Variants in AMOTL1 observed in about 807,000 individuals in gnomAD.
AMOTL1 encodes the protein angiomotin like 1.
Under a neutral mutation model 102.9 loss-of-function variants are expected in AMOTL1, and 45 were observed. The ratio of observed to expected loss-of-function variants is 0.44; its 90% CI spans 0.34 to 0.56. The LOEUF (loss-of-function observed/expected upper bound fraction) is 0.56, where lower values mean the gene tolerates loss of function less well. Among genes scored for constraint, AMOTL1 ranks in the 20% least tolerant of loss-of-function variants. AMOTL1 has a pLI of 0.01. For missense variants in AMOTL1, 1,114 were observed against 1,225.6 expected, an observed-to-expected ratio of 0.91 and a Z score of 1.36; for synonymous variants, 481 against 484.7, an observed-to-expected ratio of 0.99 and a Z score of 0.10.
chr11:94,740,563 G>A (rs558931043), intron 2 of AMOTL1, among the ~76,000 whole-genome samples: 1 of 151,660 alleles, frequency 6.6e-6, no homozygotes, highest in Non-Finnish European at 1.5e-5. Flanking sequence ...CGGCTCCTCG[G>A]CGCTGGGGCG....
At chr11:94,751,308 C>T (rs796628879) in intron 3 of AMOTL1, among the ~76,000 whole-genome samples, 37 of 152,170 alleles carry the variant, frequency 2.4e-4, no homozygotes, top group African/African-American at 8.7e-4. Context: ...ATAAAAACTC[C>T]TCTTTGCTTC....
intron 4 of AMOTL1, among the ~76,000 whole-genome samples, chr11:94,825,939 T>C (rs747217666): frequency 6.6e-6 from 1 of 152,244 alleles, no homozygotes; most frequent in Non-Finnish European, 1.5e-5. Flanking sequence ...CTAATGGGTA[T>C]ACTACACTTC....
chr11:94,790,278 C>T (rs1219418658), intron 1 of AMOTL1, among the ~76,000 whole-genome samples: 2 of 152,206 alleles, frequency 1.3e-5, no homozygotes, highest in Non-Finnish European at 2.9e-5. Context: ...CACTGCCTGT[C>T]TTCAAAGGGT....
Position 94,768,376 on chromosome 11 carries a change from A to G in AMOTL1, c.-136A>G. 2.0e-6 allele frequency: 3 copies of G among 1,487,206 alleles called. No individual in the cohort carries two copies. In the South Asian group the frequency reaches 3.9e-5, roughly 19 times the overall value. The allele number at this position is 1,487,206 out of a possible 1,614,324, so 92.1% of individuals were successfully genotyped here. A position where few individuals can be genotyped will look rare whatever the true frequency, so the allele number is the denominator to read the frequency against. On this transcript the variant is annotated 5_prime_UTR_variant, in exon 1 of 13. Coordinates refer to ENST00000433060, the MANE Select transcript of AMOTL1 (RefSeq NM_130847.3). ...GCGGGAGCGCGCGAGAAGCTCTAGG[A>G]CCCAGCAGCGGTTGTCGGGTTTGGG... is the stretch of plus-strand genomic sequence containing the variant.
At chr11:94,854,370 T>G (rs1422228667) in intron 8 of AMOTL1, among the ~76,000 whole-genome samples, 2 of 152,014 alleles carry the variant, frequency 1.3e-5, no homozygotes, top group African/African-American at 4.8e-5. Context: ...AGCTGGACAT[T>G]GACAGATGAG....
intron 4 of AMOTL1, among the ~76,000 whole-genome samples, chr11:94,827,026 G>T (rs1054835599): frequency 1.3e-5 from 2 of 152,132 alleles, no homozygotes; most frequent in East Asian, 1.9e-4. Context: ...TGAGTAAAAG[G>T]AAAGAATGCA....
chr11:94,826,518 C>T (rs1951966030), intron 4 of AMOTL1, among the ~76,000 whole-genome samples: 1 of 152,142 alleles, frequency 6.6e-6, no homozygotes. Context: ...GGCTTTTACG[C>T]TGTGTCACAA....
upstream of AMOTL1, among the ~76,000 whole-genome samples, chr11:94,765,521 A>G (rs1225496738): frequency 6.6e-6 from 1 of 152,186 alleles, no homozygotes; most frequent in African/African-American, 2.4e-5. Context: ...TAAGGAAATT[A>G]AGGCACAGGA....
intron 2 of AMOTL1, among the ~76,000 whole-genome samples, chr11:94,736,869 C>T (rs992457625): frequency 2.0e-5 from 3 of 152,220 alleles, no homozygotes; most frequent in Non-Finnish European, 2.9e-5. Context: ...TAGAAGGGCA[C>T]TGATCATCTC....
intron 3 of AMOTL1, among the ~76,000 whole-genome samples, chr11:94,759,891 C>T (rs180763106): frequency 6.6e-6 from 1 of 152,244 alleles, no homozygotes; most frequent in East Asian, 1.9e-4. Flanking sequence ...GAAATATAGG[C>T]CCTCAAATAT....
At chr11:94,838,344 A>G (rs1952225696) in intron 6 of AMOTL1, among the ~76,000 whole-genome samples, 2 of 152,232 alleles carry the variant, frequency 1.3e-5, no homozygotes, top group Admixed American at 1.3e-4. Flanking sequence ...TTATTCAAGC[A>G]AACAGTCATA....
At chr11:94,811,267 T>C (rs773883157) in intron 3 of AMOTL1, among the ~76,000 whole-genome samples, 5 of 151,954 alleles carry the variant, frequency 3.3e-5, no homozygotes, top group Non-Finnish European at 5.9e-5. Context: ...CTGCAGCAGG[T>C]GGAATGGCTG....
At chr11:94,734,454 A>G (rs1324656403) in intron 2 of AMOTL1, among the ~76,000 whole-genome samples, 1 of 152,270 alleles carries the variant, frequency 6.6e-6, no homozygotes, top group Non-Finnish European at 1.5e-5. Context: ...CCATTGGGCC[A>G]ATTCAGCCTG....
At chr11:94,733,975 T>C (rs914291611) in intron 2 of AMOTL1, among the ~76,000 whole-genome samples, 1 of 152,220 alleles carries the variant, frequency 6.6e-6, no homozygotes, top group African/African-American at 2.4e-5. Context: ...CTCTGGACTA[T>C]ACTTGGTAAC....
At chr11:94,771,967 A>G (rs1242613154) in intron 1 of AMOTL1, among the ~76,000 whole-genome samples, 4 of 152,354 alleles carry the variant, frequency 2.6e-5, no homozygotes, top group Non-Finnish European at 5.9e-5. Context: ...TCACTGGCCA[A>G]TATTGCAGCT....
rs55856275 is a variant in AMOTL1, at chr11:94,751,939, T to C, written c.136+10951T>C. Among the ~76,000 whole-genome samples, 1,068 of 152,248 alleles carry C rather than the reference T, an allele frequency of 7.0e-3. 15 individuals are homozygous for C. Among genetic ancestry groups the C allele is most frequent in the South Asian group, 0.033 (157 of 4,824 alleles). ...CACAAGCGTGACTCCCCAGAAACGA[T>C]ATTTCATCAGTTGTTAAGCACTAAG... On this transcript the variant is annotated intron_variant, in intron 3 of 4. Transcript: ENST00000299004.
intron 2 of AMOTL1, among the ~76,000 whole-genome samples, chr11:94,736,535 A>G (rs1395648771): frequency 6.6e-6 from 1 of 152,204 alleles, no homozygotes; most frequent in African/African-American, 2.4e-5. Flanking sequence ...TACAGGCATG[A>G]GCCACCATTC....
At chr11:94,868,039 C>A (rs970412166) in intron 11 of AMOTL1, among the ~76,000 whole-genome samples, 1 of 152,234 alleles carries the variant, frequency 6.6e-6, no homozygotes, top group Non-Finnish European at 1.5e-5. Context: ...TGCTGCTCAG[C>A]GTGGTCTGTG....
At chr11:94,814,970 A>C (rs141551236) in intron 3 of AMOTL1, among the ~76,000 whole-genome samples, 2 of 152,308 alleles carry the variant, frequency 1.3e-5, no homozygotes, top group East Asian at 1.9e-4. Context: ...AAGCCTGGTA[A>C]ATTTTTTCTA....
Sources: gnomAD v4.1 joint callset for allele counts (sites outside exome capture counted in the v4.1 genomes callset) on GRCh38, gnomAD v4.1.1 for gene constraint, MANE v1.5 for transcripts, NCBI Gene and HGNC (gene_info 2026-07-23, HGNC 2026-07-21) for gene names.